The following PCDHA9 variants were observed in gnomAD, a reference collection of about 807,000 sequenced individuals.
The protein encoded by PCDHA9 is protocadherin alpha-9.
A neutral mutation model predicts 62.0 loss-of-function variants in PCDHA9; 62 were observed. The observed-to-expected ratio is 1.00, with a 90% CI of 0.81 to 1.23. PCDHA9 has a LOEUF of 1.23. Ranked by LOEUF, PCDHA9 falls within the 50% of genes most tolerant of loss-of-function variation. The probability of loss-of-function intolerance (pLI) is 0.00; values close to 1 mark genes in which losing one functional copy is unlikely to be tolerated. For missense variants in PCDHA9, 1,205 were observed against 1,249.8 expected, an observed-to-expected ratio of 0.96 and a Z score of 0.54; for synonymous variants, 557 against 567.6, an observed-to-expected ratio of 0.98 and a Z score of 0.27.
chr5:141,000,385 C>CTA (rs2097909674), intron 3 of PCDHA9, among the ~76,000 whole-genome samples: 1 of 64,994 alleles, frequency 1.5e-5, no homozygotes, highest in Non-Finnish European at 2.9e-5. Context: ...CTCTCTCTCT[C>CTA]TCTCTCTCTC....
At chr5:140,943,019 G>A (rs1554215345) in intron 1 of PCDHA9, among the ~76,000 whole-genome samples, 1 of 152,068 alleles carries the variant, frequency 6.6e-6, no homozygotes, top group Non-Finnish European at 1.5e-5. Flanking sequence ...CACTTTGGGA[G>A]GCTGAGGTGG....
chr5:140,852,875 C>A, intron 1 of PCDHA9: 1 of 937,156 alleles, frequency 1.1e-6, no homozygotes, highest in Non-Finnish European at 1.3e-6. Flanking sequence ...CATCAATAAT[C>A]ATAAAACGTA....
At chr5:140,876,184 A>T in intron 1 of PCDHA9, 1 of 1,613,968 alleles carries the variant, frequency 6.2e-7, no homozygotes. Flanking sequence ...TGTGAATGAC[A>T]ATGGTCCGGC....
chr5:140,862,363 C>T, intron 1 of PCDHA9: 1 of 339,946 alleles, frequency 2.9e-6, no homozygotes, highest in Non-Finnish European at 5.8e-6. Context: ...GACAGACGAC[C>T]CGCACCCTGA....
intron 3 of PCDHA9, among the ~76,000 whole-genome samples, chr5:140,993,305 G>C (rs1405035028): frequency 6.6e-6 from 1 of 151,998 alleles, no homozygotes; most frequent in African/African-American, 2.4e-5. Flanking sequence ...CTTGCCTCCA[G>C]GATAATACCT....
chr5:141,000,395 C>CTCTCTA (rs1213762225), intron 3 of PCDHA9, among the ~76,000 whole-genome samples: 5 of 53,980 alleles, frequency 9.3e-5, no homozygotes, highest in East Asian at 6.1e-4. Flanking sequence ...CTCTCTCTCT[C>CTCTCTA]TATATATATA....
Position 140,857,323 on chromosome 5 carries a change from C to A in PCDHA9, c.2394+6434C>A, listed in dbSNP as rs782769711. 1.5e-5 allele frequency: 24 copies of A among 1,598,498 alleles called. 1 individual carries two copies. The East Asian group carries it at 5.1e-4, about 34-fold the overall frequency. On this transcript the variant is annotated intron_variant, in intron 1 of 3. Transcript: ENST00000532602. ...TGTCGGCCTATGAGCTGGTGGTGAC[C>A]GCGCGGGACGGGGGCTCGCCTCCGC...
At chr5:140,932,091 T>G (rs904157159) in intron 1 of PCDHA9, among the ~76,000 whole-genome samples, 1 of 151,872 alleles carries the variant, frequency 6.6e-6, no homozygotes, top group Non-Finnish European at 1.5e-5. Context: ...GAAAACATGG[T>G]TTTTATCTCT....
In PCDHA9 at chr5:140,929,209, G is replaced by A. The variant is rs553616030; in HGVS notation, c.2395-49740G>A. Reference sequence around the variant, plus strand: ...TGATAATAACAGTTTGCTGTTGCGTGGGGAGTACAATGCTGCCGACCTGCG... The same window carrying A: ...TGATAATAACAGTTTGCTGTTGCGTAGGGAGTACAATGCTGCCGACCTGCG... On this transcript the variant is annotated intron_variant, in intron 1 of 3. Transcript: ENST00000532602. 71 of 1,614,054 alleles carry A rather than the reference G, an allele frequency of 4.4e-5. 2 individuals carry two copies. The South Asian group carries it at 7.1e-4, about 16-fold the overall frequency.
intron 1 of PCDHA9, among the ~76,000 whole-genome samples, chr5:140,898,035 T>G (rs1227571900): frequency 5.9e-5 from 9 of 152,120 alleles, no homozygotes; most frequent in African/African-American, 2.2e-4. Context: ...TTGATGGGGT[T>G]GTTTGTTTTT....
At chr5:140,882,131 C>A (rs1236835670) in intron 1 of PCDHA9, 2 of 1,475,734 alleles carry the variant, frequency 1.4e-6, no homozygotes, top group South Asian at 1.4e-5. Context: ...TTTCTTCCTG[C>A]AGAAAATATA....
chr5:140,856,141 C>T (rs782290263), intron 1 of PCDHA9: 3 of 1,598,260 alleles, frequency 1.9e-6, no homozygotes, highest in Middle Eastern at 1.7e-4. Context: ...GCCAGCTCCA[C>T]TACTCAGTCT....
intron 1 of PCDHA9, among the ~76,000 whole-genome samples, chr5:140,941,235 C>CT: frequency 7.4e-6 from 1 of 135,248 alleles, no homozygotes; most frequent in Non-Finnish European, 1.6e-5. Context: ...TTCTTTCTTT[C>CT]TTTCTTTCTT....
intron 1 of PCDHA9, chr5:140,877,161 G>A: frequency 6.2e-7 from 1 of 1,613,828 alleles, no homozygotes; most frequent in South Asian, 1.1e-5. Context: ...ACAACGCGCC[G>A]GCACTGCTGG....
chr5:140,870,200 C>G lies in PCDHA9; in HGVS notation c.2394+19311C>G, dbSNP rs377755323. Reference sequence around the variant, plus strand: ...GTACGAGAGGACGCTCAGCCCAGCACGGTCATTGCCCTGATCAGCGTGTCT... The same window carrying G: ...GTACGAGAGGACGCTCAGCCCAGCAGGGTCATTGCCCTGATCAGCGTGTCT... On this transcript the variant is annotated intron_variant, in intron 1 of 3. Transcript: ENST00000532602. 7 of 1,614,056 alleles carry G rather than the reference C, an allele frequency of 4.3e-6. No homozygotes were observed. The African/African-American group carries it at 9.3e-5, about 22-fold the overall frequency.
intron 1 of PCDHA9, chr5:140,928,862 G>A (rs1554206427): frequency 1.2e-6 from 2 of 1,614,166 alleles, no homozygotes; most frequent in Admixed American, 1.7e-5. Context: ...GTGCTGTTGA[G>A]CAACTCTGTC....
At chr5:140,966,927 C>A in intron 1 of PCDHA9, 1 of 1,603,516 alleles carries the variant, frequency 6.2e-7, no homozygotes, top group Non-Finnish European at 8.5e-7. Context: ...GAGCAGGCAC[C>A]CGGCGCGCTC....
chr5:140,866,180 T>C (rs2049194377), intron 1 of PCDHA9: 1 of 152,136 alleles, frequency 6.6e-6, no homozygotes, highest in African/African-American at 2.4e-5. Context: ...GTAAGAAAAG[T>C]CAGAAAACTG....
rs1380751702 is a variant in PCDHA9 at position 140,855,145 on chromosome 5, A to C, written c.2394+4256A>C. On this transcript the variant is annotated intron_variant, in intron 1 of 3. Transcript: ENST00000532602. Reference sequence around the variant, plus strand: ...AGGTAATAATTTTGCCTGATGAGCCAAATTTGGTATTGAGCCTCATGAAAA... The same window carrying C: ...AGGTAATAATTTTGCCTGATGAGCCCAATTTGGTATTGAGCCTCATGAAAA... Among the ~76,000 whole-genome samples, 3 of 149,972 alleles carry C rather than the reference A, an allele frequency of 2.0e-5. 1 individual carries two copies. The East Asian group carries it at 5.8e-4, about 29-fold the overall frequency.
Sources: allele counts gnomAD v4.1 joint callset (sites outside exome capture counted in the v4.1 genomes callset), GRCh38; gene constraint gnomAD v4.1.1; transcripts MANE v1.5; gene names NCBI Gene and HGNC (gene_info 2026-07-23, HGNC 2026-07-21).